The following SNAP25 variants were observed in gnomAD, a reference collection of about 807,000 sequenced individuals.
SNAP25 encodes the protein synaptosomal-associated protein 25.
A neutral mutation model predicts 28.7 loss-of-function variants in SNAP25; 3 were observed. The ratio of observed to expected loss-of-function variants is 0.10; its 90% CI spans 0.05 to 0.27. The LOEUF is 0.27. Ranked by LOEUF, SNAP25 falls within the 10% of genes least tolerant of loss-of-function variation. The probability of loss-of-function intolerance (pLI) is 1.00; values close to 1 mark genes in which losing one functional copy is unlikely to be tolerated. For missense variants in SNAP25, 117 were observed against 278.7 expected (o/e 0.42, Z 4.13); for synonymous variants, 61 against 88.1 (o/e 0.69, Z 1.72).
chr20:10,263,372 C>T (rs1302934437), intron 1 of SNAP25, among the ~76,000 whole-genome samples: 1 of 152,038 alleles, frequency 6.6e-6, no homozygotes, highest in Non-Finnish European at 1.5e-5. Context: ...ACGGAGATGA[C>T]CACAAAGAAC....
chr20:10,281,178 G>A (rs1447556016), intron 3 of SNAP25, among the ~76,000 whole-genome samples: 2 of 152,216 alleles, frequency 1.3e-5, no homozygotes, highest in South Asian at 4.1e-4. Context: ...TTAGGTAGGC[G>A]ATTTTCCCAG....
chr20:10,234,524 T>A (rs1472045425), intron 1 of SNAP25, among the ~76,000 whole-genome samples: 2 of 152,274 alleles, frequency 1.3e-5, no homozygotes, highest in East Asian at 3.8e-4. Flanking sequence ...TACCATTACT[T>A]ATGCCCAAGG....
chr20:10,299,791 A>G (rs41378446), intron 7 of SNAP25, among the ~76,000 whole-genome samples: 16,502 of 152,176 alleles, frequency 0.11, 1,283 homozygotes, highest in African/African-American at 0.21. Flanking sequence ...AGATCCACAG[A>G]TAAAATGCTA....
intron 1 of SNAP25, among the ~76,000 whole-genome samples, chr20:10,255,569 G>T (rs749823008): frequency 1.3e-5 from 2 of 152,078 alleles, no homozygotes; most frequent in Non-Finnish European, 1.5e-5. Context: ...AGGGTTTTGG[G>T]CCCAAGAAAG....
At chr20:10,257,732 A>C (rs776830595) in intron 1 of SNAP25, among the ~76,000 whole-genome samples, 3 of 150,906 alleles carry the variant, frequency 2.0e-5, no homozygotes, top group Non-Finnish European at 4.4e-5. Flanking sequence ...CAAAACAAAA[A>C]AATTAGCCAG....
At chr20:10,301,206 T>C (rs903445827) in intron 7 of SNAP25, among the ~76,000 whole-genome samples, 1 of 152,190 alleles carries the variant, frequency 6.6e-6, no homozygotes, top group Non-Finnish European at 1.5e-5. Flanking sequence ...TTCTCATCTT[T>C]AGGGAGAAGG....
At chr20:10,297,225 G>T (rs2123145145) in intron 6 of SNAP25, among the ~76,000 whole-genome samples, 175 bp downstream of exon 6, 1 of 152,198 alleles carries the variant, frequency 6.6e-6, no homozygotes, top group South Asian at 2.1e-4. Flanking sequence ...ATCCAAGATG[G>T]CCCCATTCAC....
At chr20:10,236,750 CTTAGCGA>C in intron 1 of SNAP25, among the ~76,000 whole-genome samples, 1 of 152,176 alleles carries the variant, frequency 6.6e-6, no homozygotes, top group South Asian at 2.1e-4. Context: ...CCAGAGCCTT[CTTAGCGA>C]TTCCAGGGAT....
At chr20:10,301,889 A>ATT (rs201253295) in intron 7 of SNAP25, among the ~76,000 whole-genome samples, 4,056 of 144,772 alleles carry the variant, frequency 0.028, 170 homozygotes, top group African/African-American at 0.088. Context: ...TAATATATAT[A>ATT]TTATATGTAT....
intron 1 of SNAP25, among the ~76,000 whole-genome samples, chr20:10,220,786 A>G (rs2062617181): frequency 6.6e-6 from 1 of 152,246 alleles, no homozygotes; most frequent in South Asian, 2.1e-4. Flanking sequence ...AAAGACCCCA[A>G]ATGAGAACTT....
Position 10,293,695 on chromosome 20 carries a change from A to G in SNAP25, c.281+417A>G, listed in dbSNP as rs1394157520. On this transcript the variant is annotated intron_variant, in intron 5 of 7. Transcript: ENST00000254976. This position sits in a 1 kb window ranked among gnomAD's most constrained non-coding sequence, Gnocchi z 5.6. ...CGAAGGTTTGATTTTTTCCAAAATA[A>G]AAGAGACAGGTAATTTGGCCCAGGG... 1.3e-5 allele frequency among the ~76,000 whole-genome samples: 2 copies of G among 152,352 alleles called. No homozygotes were observed. Among genetic ancestry groups the G allele is most frequent in the South Asian group, 2.1e-4 (1 of 4,828 alleles).
intron 1 of SNAP25, among the ~76,000 whole-genome samples, chr20:10,256,747 G>A (rs954543857): frequency 1.3e-5 from 2 of 152,086 alleles, no homozygotes; most frequent in Non-Finnish European, 2.9e-5. Flanking sequence ...GAATGGAAAG[G>A]AAAGGAAAGG....
intron 1 of SNAP25, among the ~76,000 whole-genome samples, chr20:10,233,180 A>T (rs1174497366): frequency 6.6e-6 from 1 of 152,118 alleles, no homozygotes; most frequent in Non-Finnish European, 1.5e-5. Context: ...TGACCATATT[A>T]TGTGCACAGA....
chr20:10,220,189 AAGC>A (rs1038407735), intron 1 of SNAP25, among the ~76,000 whole-genome samples: 32 of 152,190 alleles, frequency 2.1e-4, no homozygotes, highest in African/African-American at 7.7e-4. Flanking sequence ...TAGCTGAACT[AAGC>A]AGAATCAACT....
At chr20:10,245,622 C>T (rs1436289529) in intron 1 of SNAP25, among the ~76,000 whole-genome samples, 1 of 152,174 alleles carries the variant, frequency 6.6e-6, no homozygotes, top group Admixed American at 6.5e-5. Context: ...GGCGTGTGCC[C>T]AGATCCAAAG....
chr20:10,234,729 G>T (rs188131895), intron 1 of SNAP25, among the ~76,000 whole-genome samples: 152 of 152,274 alleles, frequency 1.0e-3, no homozygotes, highest in Admixed American at 7.9e-3. Flanking sequence ...AACACGATTA[G>T]ACATATAAAT....
chr20:10,247,711 G>T (rs1461403981), intron 1 of SNAP25, among the ~76,000 whole-genome samples: 1 of 152,194 alleles, frequency 6.6e-6, no homozygotes, highest in African/African-American at 2.4e-5. Context: ...TGAAAGAAGA[G>T]AAAAGAAATT....
chr20:10,246,419 A>G (rs2063129123), intron 1 of SNAP25, among the ~76,000 whole-genome samples: 1 of 152,228 alleles, frequency 6.6e-6, no homozygotes, highest in South Asian at 2.1e-4. Flanking sequence ...CAATGAAGAC[A>G]GAATGATTGG....
chr20:10,288,808 T>C (rs998903657), intron 4 of SNAP25, among the ~76,000 whole-genome samples: 3 of 151,108 alleles, frequency 2.0e-5, no homozygotes, highest in Non-Finnish European at 2.9e-5. Context: ...TATAGTATAA[T>C]AGGAACTTAG....
Sources: allele counts gnomAD v4.1 joint callset (sites outside exome capture counted in the v4.1 genomes callset), GRCh38; gene constraint gnomAD v4.1.1; non-coding constraint Gnocchi (gnomAD v3.1); transcripts MANE v1.5; gene names NCBI Gene and HGNC (gene_info 2026-07-23, HGNC 2026-07-21).